Variants in HERC1 observed in about 807,000 individuals in gnomAD.
HERC1 encodes the protein HECT and RLD domain containing E3 ubiquitin protein ligase family member 1.
In HERC1, 160 loss-of-function variants were observed where a neutral mutation model predicts 554.3. That is an observed-to-expected ratio of 0.29 (90% confidence interval 0.25 to 0.33). The LOEUF (loss-of-function observed/expected upper bound fraction) is 0.33. HERC1 is among the 10% of genes least tolerant of loss of function. HERC1 has a pLI of 1.00. For missense variants in HERC1, 4,919 were observed against 5,918.5 expected (o/e 0.83, Z 5.54); for synonymous variants, 2,175 against 2,131.7 (o/e 1.02, Z -0.56).
chr15:63,667,901 G>A (rs990479532), intron 40 of HERC1, among the ~76,000 whole-genome samples: 2 of 152,176 alleles, frequency 1.3e-5, no homozygotes, highest in Non-Finnish European at 2.9e-5. Context: ...ACGGGAATAT[G>A]ACTATAATGA....
Position 63,649,811 on chromosome 15 carries a change from C to T in HERC1, c.10661G>A (p.Arg3554Gln), listed in dbSNP as rs766536918. 1.9e-6 allele frequency: 3 copies of T among 1,613,544 alleles called. No individual in the cohort carries two copies. The highest frequency in any genetic ancestry group is 2.5e-6 in the Non-Finnish European group (3 of 1,179,750). The change falls in exon 54 of 78, where the codon CGG (arginine) becomes CAG (glutamine). Residue 3554 changes from arginine (R) to glutamine (Q), a missense_variant. Transcript: ENST00000443617. ...GESPELLLVG[R>Q]MDGSLGLIEV... is the part of the protein sequence containing the mutation. ...AATCAGTCCCAGAGATCCATCCATC[C>T]GTCCCACCAACAACAATTCTGGAGA...
chr15:63,795,741 AG>A (rs2076792546), intron 1 of HERC1, among the ~76,000 whole-genome samples: 1 of 152,206 alleles, frequency 6.6e-6, no homozygotes, highest in Admixed American at 6.5e-5. Context: ...CAAAAGAGAC[AG>A]GGTCATTTAT....
Position 63,713,430 on chromosome 15 carries a change from C to G in HERC1, c.4386G>C (p.Glu1462Asp), listed in dbSNP as rs970506157. The change falls in exon 23 of 78, where the codon GAG (glutamate) becomes GAC (aspartate). Residue 1462 changes from glutamate to aspartate, a missense_variant. Around this residue, in one of 11 missense-constraint regions of HERC1, gnomAD observed 1,121 missense variants for 1,244.0 expected, o/e 0.90. Coordinates refer to ENST00000443617, the MANE Select transcript of HERC1 (RefSeq NM_003922.4). Reference protein sequence around the residue: ...LILGVSPVIDELQKRREEGQL... With the variant: ...LILGVSPVIDDLQKRREEGQL... ...GTCCTTCTTCTCTTCGCTTCTGAAG[C>G]TCATCTATCACAGGACTTACTCCTA... The G allele has an allele frequency of 1.2e-6, 2 of 1,613,912 alleles. No individual in the cohort carries two copies. Among genetic ancestry groups the G allele is most frequent in the African/African-American group, 2.7e-5 (2 of 74,916 alleles).
Position 63,692,682 on chromosome 15 carries a change from G to A in HERC1, c.5675-116C>T. 1 of 872,006 alleles carries A rather than the reference G, an allele frequency of 1.1e-6. No individual in the cohort carries two copies. Among genetic ancestry groups the A allele is most frequent in the Non-Finnish European group, 1.7e-6 (1 of 594,810 alleles). The allele number at this position is 872,006 out of a possible 1,614,324, so 54.0% of individuals were successfully genotyped here. On this transcript the variant is annotated intron_variant, in intron 30 of 77. Coordinates refer to ENST00000443617, the MANE Select transcript of HERC1 (RefSeq NM_003922.4). This position sits in a 1 kb window ranked among gnomAD's most constrained non-coding sequence, Gnocchi z 4.7. Reference sequence around the variant, plus strand: ...CAAATCTAATGCAAAATCTTAGGCTGTCAGCTACTGAATTCTGAAAACTTA... The same window carrying A: ...CAAATCTAATGCAAAATCTTAGGCTATCAGCTACTGAATTCTGAAAACTTA...
chr15:63,609,017 T>G lies in HERC1; in HGVS notation c.*64A>C. Reference sequence around the variant, plus strand: ...TCTATGTAGTTACCATAAAAGTATATCAACATCAAATCAGAAGTGAGCATT... The same window carrying G: ...TCTATGTAGTTACCATAAAAGTATAGCAACATCAAATCAGAAGTGAGCATT... On this transcript the variant is annotated 3_prime_UTR_variant, in exon 78 of 78. Coordinates refer to ENST00000443617, the MANE Select transcript of HERC1 (RefSeq NM_003922.4). The G allele has an allele frequency of 7.0e-7, 1 of 1,422,452 alleles. No homozygotes were observed. 88.1% of individuals were successfully genotyped at this position (1,422,452 alleles called of 1,614,324 possible). A position where few individuals can be genotyped will look rare whatever the true frequency, so the allele number is the denominator to read the frequency against.
Position 63,654,126 on chromosome 15 carries a change from T to C in HERC1, c.10283A>G (p.Gln3428Arg), listed in dbSNP as rs2069871893. 2 of 1,610,926 alleles carry C rather than the reference T, an allele frequency of 1.2e-6. No homozygotes were observed. Among genetic ancestry groups the C allele is most frequent in the South Asian group, 1.1e-5 (1 of 91,024 alleles). Residue 3428 changes from glutamine (Q) to arginine (R), a missense_variant, in exon 51 of 78, where the codon CAG becomes CGG. Physicochemically the swap from Gln to Arg is conservative, Grantham distance 43. Around this residue, in one of 11 missense-constraint regions of HERC1, gnomAD observed 1,963 missense variants for 2,228.6 expected, o/e 0.88. Coordinates refer to ENST00000443617, the MANE Select transcript of HERC1 (RefSeq NM_003922.4). ...TCCACTCAAAATACTTACTCTGTTC[T>C]GATGAGCCTCCAATTTGATAAAGGA... ...KCSFIKLEAH[Q>R]NRVMTCVWCN... is the part of the protein sequence containing the mutation.
At position 63,652,397 on chromosome 15, in the gene HERC1, G is replaced by A. The variant is rs369039465; in HGVS notation, c.10418+17C>T. 6.7e-5 allele frequency: 108 copies of A among 1,609,792 alleles called. No homozygotes were observed. In the African/African-American group the frequency reaches 1.1e-3, roughly 16 times the overall value. On this transcript the variant is annotated intron_variant, in intron 52 of 77. Transcript: ENST00000443617. ...TTCTCTTATTTTAAATGGTATACAC[G>A]TGATGTTAGCACTCACAATCTGTTG...
intron 19 of HERC1, among the ~76,000 whole-genome samples, chr15:63,722,129 G>A (rs2073846184): frequency 6.6e-6 from 1 of 152,190 alleles, no homozygotes; most frequent in South Asian, 2.1e-4. Context: ...GCCTCCCAAA[G>A]TGCTGAGATT....
intron 74 of HERC1, 89 bp downstream of exon 74, chr15:63,622,726 A>C (rs1334282927): frequency 3.0e-5 from 29 of 982,592 alleles, no homozygotes; most frequent in Non-Finnish European, 4.3e-5. Context: ...AAGCACTTAA[A>C]ACAGGACCTG....
intron 12 of HERC1, among the ~76,000 whole-genome samples, chr15:63,736,520 C>G (rs538948841): frequency 6.6e-6 from 1 of 152,178 alleles, no homozygotes; most frequent in Non-Finnish European, 1.5e-5. Flanking sequence ...AAATATAGCC[C>G]AGTCACATCA....
At chr15:63,664,711 T>C (rs996127922) in intron 42 of HERC1, 117 bp from the exon 43 acceptor site, 2 of 869,282 alleles carry the variant, frequency 2.3e-6, no homozygotes, top group Non-Finnish European at 3.4e-6. Context: ...AATATGTTTA[T>C]GATAAAATTT....
chr15:63,638,481 C>T lies in HERC1; in HGVS notation c.12023G>A (p.Gly4008Glu), dbSNP rs775862909. 6.2e-7 allele frequency: 1 copy of T among 1,613,884 alleles called. No individual in the cohort carries two copies. The highest frequency in any genetic ancestry group is 8.5e-7 in the Non-Finnish European group (1 of 1,179,796). Residue 4008 changes from glycine (G) to glutamate (E), a missense_variant, in exon 63 of 78, where the codon GGA (glycine) becomes GAA (glutamate). Around this residue, in one of 11 missense-constraint regions of HERC1, gnomAD observed 122 missense variants for 195.2 expected, o/e 0.63. Transcript: ENST00000443617. ...DVYLWGAGRH[G>E]QLAEAGRNVM... ...ATTTCTTCCAGCTTCTGCCAGCTGTCCATGCCTACCAGCACCCCATAAGTA... is the reference window on the plus strand; with the variant it reads ...ATTTCTTCCAGCTTCTGCCAGCTGTTCATGCCTACCAGCACCCCATAAGTA...
intron 3 of HERC1, among the ~76,000 whole-genome samples, chr15:63,761,526 G>T (rs1002608165): frequency 2.7e-5 from 4 of 150,848 alleles, no homozygotes; most frequent in African/African-American, 9.8e-5. Flanking sequence ...GATAGAAGCT[G>T]CAGGGCACTA....
rs1437928658 is a variant in HERC1 at position 63,734,818 on chromosome 15, G to C, written c.2552C>G (p.Thr851Ser). ...TTCTCGTAATGGAGGTAACAGCATGGTTGCTCCCACTGATAAAGTTTCAAT... is the reference window on the plus strand; with the variant it reads ...TTCTCGTAATGGAGGTAACAGCATGCTTGCTCCCACTGATAAAGTTTCAAT... The part of the protein sequence containing the change: ...VVIETLSVGA[T>S]MLLPPLRERM... Residue 851 changes from threonine to serine, a missense_variant, in exon 13 of 78, where the codon ACC becomes AGC. Around this residue, in one of 11 missense-constraint regions of HERC1, gnomAD observed 744 missense variants for 1,090.0 expected, o/e 0.68. Coordinates refer to ENST00000443617, the MANE Select transcript of HERC1 (RefSeq NM_003922.4). The surrounding 1 kb of genome is among the most constrained non-coding windows in gnomAD (Gnocchi z 4.6). The C allele has an allele frequency of 6.2e-7, 1 of 1,610,106 alleles. No individual in the cohort carries two copies. The highest frequency in any genetic ancestry group is 2.2e-5 in the East Asian group (1 of 44,670).
chr15:63,801,065 C>T (rs550599603), intron 1 of HERC1, among the ~76,000 whole-genome samples: 1 of 152,328 alleles, frequency 6.6e-6, no homozygotes, highest in East Asian at 1.9e-4. Flanking sequence ...TTGGTGAACA[C>T]ATCAAGATGC....
intron 1 of HERC1, among the ~76,000 whole-genome samples, chr15:63,778,996 A>G (rs972535202): frequency 6.6e-6 from 1 of 152,018 alleles, no homozygotes; most frequent in African/African-American, 2.4e-5. Flanking sequence ...GAACTCAGGA[A>G]AGAAATATGA....
intron 1 of HERC1, among the ~76,000 whole-genome samples, chr15:63,810,148 A>T (rs2077257014): frequency 6.6e-6 from 1 of 152,256 alleles, no homozygotes; most frequent in African/African-American, 2.4e-5. Context: ...TAAGATGCAG[A>T]CCAAGCACCC....
intron 1 of HERC1, among the ~76,000 whole-genome samples, chr15:63,808,332 G>C (rs947512948): frequency 6.6e-6 from 1 of 152,146 alleles, no homozygotes; most frequent in African/African-American, 2.4e-5. Flanking sequence ...CTGTTGCCTA[G>C]ATTAGACTGC....
At chr15:63,638,284 G>A in intron 63 of HERC1, 127 bp downstream of exon 63, 3 of 985,272 alleles carry the variant, frequency 3.0e-6, no homozygotes, top group Non-Finnish European at 4.5e-6. Flanking sequence ...TATATATCAT[G>A]ACTTTCTTTA....
Sources: allele counts gnomAD v4.1 joint callset (sites outside exome capture counted in the v4.1 genomes callset), GRCh38; gene constraint gnomAD v4.1.1; regional missense constraint gnomAD v4.1.1; non-coding constraint Gnocchi (gnomAD v3.1); transcripts MANE v1.5; gene names NCBI Gene and HGNC (gene_info 2026-07-23, HGNC 2026-07-21).